TBX5: variants seen among roughly 807,000 people sequenced by gnomAD.
TBX5 encodes the protein T-box transcription factor TBX5.
TBX5 carries 8 observed loss-of-function variants against 51.1 expected under a neutral mutation model. That is an observed-to-expected ratio of 0.16 (90% CI 0.09 to 0.28). TBX5 has a LOEUF of 0.28. Among genes scored for constraint, TBX5 ranks in the 10% least tolerant of loss-of-function variants. TBX5 has a pLI of 1.00. For missense variants in TBX5, 589 were observed against 671.7 expected (o/e 0.88, Z 1.36); for synonymous variants, 302 against 266.4 (o/e 1.13, Z -1.30).
chr12:114,377,613 C>T (rs2136388427), intron 7 of TBX5, among the ~76,000 whole-genome samples: 1 of 148,216 alleles, frequency 6.7e-6, no homozygotes, highest in South Asian at 2.1e-4. Flanking sequence ...ACAGGATCTT[C>T]CTACGTTGCT....
At chr12:114,388,104 C>A (rs1387319647) in intron 6 of TBX5, among the ~76,000 whole-genome samples, 1 of 152,190 alleles carries the variant, frequency 6.6e-6, no homozygotes. Flanking sequence ...CTGCCTTGGC[C>A]TCCCAAAGTA....
intron 3 of TBX5, among the ~76,000 whole-genome samples, chr12:114,400,732 T>G (rs1871758248): frequency 6.6e-6 from 1 of 152,210 alleles, no homozygotes; most frequent in South Asian, 2.1e-4. Context: ...TGTCTTTCCT[T>G]CCTGGGGGAA....
chr12:114,375,094 T>A (rs1870118637), intron 7 of TBX5, among the ~76,000 whole-genome samples: 1 of 152,258 alleles, frequency 6.6e-6, no homozygotes, highest in South Asian at 2.1e-4. Context: ...GTAATTCTAA[T>A]GTTCAGTGTG....
intron 5 of TBX5, 128 bp downstream of exon 5, chr12:114,398,445 G>T: frequency 7.4e-7 from 1 of 1,358,868 alleles, no homozygotes; most frequent in Non-Finnish European, 1.0e-6. Context: ...GACGAAAGTG[G>T]GGGAAAATGG....
chr12:114,366,475 C>T, intron 7 of TBX5, 84 bp from the exon 8 acceptor site: 1 of 1,385,810 alleles, frequency 7.2e-7, no homozygotes, highest in Admixed American at 1.7e-5. Flanking sequence ...TGAGAGAATC[C>T]ACCAGAAAAG....
chr12:114,361,348 C>G (rs889391313), intron 8 of TBX5, among the ~76,000 whole-genome samples: 2 of 152,210 alleles, frequency 1.3e-5, no homozygotes, highest in Non-Finnish European at 2.9e-5. Context: ...CCCTCTCAAT[C>G]TCTAACTTTC....
At chr12:114,395,570 A>T (rs1377218333) in intron 5 of TBX5, among the ~76,000 whole-genome samples, 2 of 151,882 alleles carry the variant, frequency 1.3e-5, no homozygotes, top group Non-Finnish European at 2.9e-5. Flanking sequence ...AGGTGTGGGG[A>T]GGAAGCACCA....
At position 114,357,028 on chromosome 12, in the gene TBX5, A is replaced by G. The variant is rs4471489; in HGVS notation, c.983-922T>C. On this transcript the variant is annotated intron_variant, in intron 8 of 8. Transcript: ENST00000405440. ...GATGGATGGATGGATGGATGGATGG[A>G]TGCATGGATGCATGGATGCATGGAT... Among the ~76,000 whole-genome samples, 98 of 113,218 alleles carry G rather than the reference A, an allele frequency of 8.7e-4. 2 individuals carry two copies. Among genetic ancestry groups the G allele is most frequent in the Admixed American group, 4.9e-3 (51 of 10,348 alleles). The allele number at this position is 113,218 out of a possible 152,430, so 74.3% of individuals were successfully genotyped here. A position where few individuals can be genotyped will look rare whatever the true frequency, so the allele number is the denominator to read the frequency against.
At position 114,372,975 on chromosome 12, in the gene TBX5, T is replaced by C. The variant is rs200946539; in HGVS notation, c.756-6584A>G. 3.2e-4 allele frequency among the ~76,000 whole-genome samples: 36 copies of C among 112,080 alleles called. No individual in the cohort carries two copies. In the East Asian group the frequency reaches 4.6e-3, roughly 14 times the overall value. 73.5% of individuals were successfully genotyped at this position (112,080 alleles called of 152,430 possible). ...TGCATGGAAAGGCTTAGCGAATATA[T>C]ATACATACACACACACACACACACA... On this transcript the variant is annotated intron_variant, in intron 7 of 8. Transcript: ENST00000405440.
intron 7 of TBX5, among the ~76,000 whole-genome samples, chr12:114,372,356 G>A (rs1318084787): frequency 2.6e-5 from 4 of 152,098 alleles, no homozygotes; most frequent in Non-Finnish European, 4.4e-5. Context: ...CCAGGCTGGA[G>A]TGAGGTGGCA....
chr12:114,397,668 G>A (rs978085165), intron 5 of TBX5, among the ~76,000 whole-genome samples: 16 of 152,160 alleles, frequency 1.1e-4, no homozygotes, highest in African/African-American at 3.9e-4. Flanking sequence ...TCAGTTTCAG[G>A]AAATTCACCA....
intron 6 of TBX5, among the ~76,000 whole-genome samples, chr12:114,389,390 A>G (rs1344666235): frequency 6.6e-6 from 1 of 152,154 alleles, no homozygotes. Context: ...ATCACAATGA[A>G]ATTTCACCCA....
chr12:114,398,181 G>T (rs940810886), intron 5 of TBX5, among the ~76,000 whole-genome samples: 16 of 152,174 alleles, frequency 1.1e-4, no homozygotes, highest in Non-Finnish European at 2.2e-4. Flanking sequence ...CAGGTGAGCC[G>T]GGGGCCATAT....
chr12:114,403,685 C>T, intron 2 of TBX5, 67 bp downstream of exon 2: 1 of 1,584,314 alleles, frequency 6.3e-7, no homozygotes, highest in Non-Finnish European at 8.6e-7. Flanking sequence ...GCAAGAGAAG[C>T]CGAGCAGGAA....
rs115566378 is a variant in TBX5, at chr12:114,403,187, C to G, written c.147+565G>C. ...CGGGCAGAGCTCTGTGCGCTCCCAG[C>G]GGCCGGTGATGGCGCGCCAGCCAGC... On this transcript the variant is annotated intron_variant, in intron 2 of 8. Coordinates refer to ENST00000405440, the MANE Select transcript of TBX5 (RefSeq NM_181486.4). 4.5e-3 allele frequency among the ~76,000 whole-genome samples: 692 copies of G among 152,366 alleles called. 5 individuals carry two copies. Among genetic ancestry groups the G allele is most frequent in the African/African-American group, 0.015 (623 of 41,586 alleles).
At chr12:114,358,672 A>C (rs1347925106) in intron 8 of TBX5, among the ~76,000 whole-genome samples, 1 of 151,876 alleles carries the variant, frequency 6.6e-6, no homozygotes, top group Non-Finnish European at 1.5e-5. Flanking sequence ...AGAAAAACAC[A>C]CTCTTCCAGG....
intron 7 of TBX5, among the ~76,000 whole-genome samples, chr12:114,369,617 G>A (rs1869742509): frequency 6.6e-6 from 1 of 152,150 alleles, no homozygotes; most frequent in Non-Finnish European, 1.5e-5. Flanking sequence ...TGGATCAAAG[G>A]AACGGTCAAC....
chr12:114,356,250 G>A (rs907294334), intron 8 of TBX5, 144 bp from the exon 9 acceptor site: 10 of 845,842 alleles, frequency 1.2e-5, no homozygotes, highest in Non-Finnish European at 1.9e-5. Flanking sequence ...AAAAAAAGGG[G>A]GTTGGATTGT....
At chr12:114,365,251 T>C (rs2136372030) in intron 8 of TBX5, among the ~76,000 whole-genome samples, 1 of 150,638 alleles carries the variant, frequency 6.6e-6, no homozygotes, top group South Asian at 2.1e-4. Flanking sequence ...GGAGAAACAC[T>C]GACACATATG....
Sources: allele counts gnomAD v4.1 joint callset (sites outside exome capture counted in the v4.1 genomes callset), GRCh38; gene constraint gnomAD v4.1.1; transcripts MANE v1.5; gene names NCBI Gene and HGNC (gene_info 2026-07-23, HGNC 2026-07-21).